Variants in RBPMS observed in about 807,000 individuals in gnomAD.
RBPMS encodes RNA binding protein, mRNA processing factor, also known as RNA-binding protein with multiple splicing.
RBPMS carries 7 observed loss-of-function variants against 26.8 expected under a neutral mutation model. That is an observed-to-expected ratio of 0.26 (90% CI 0.15 to 0.49). The LOEUF (loss-of-function observed/expected upper bound fraction) is 0.49. Among genes scored for constraint, RBPMS ranks in the 20% least tolerant of loss-of-function variants. The pLI is 0.98. For synonymous variants in RBPMS, 96 were observed against 93.3 expected, an observed-to-expected ratio of 1.03 and a Z score of -0.17; for missense variants, 186 against 250.0, an observed-to-expected ratio of 0.74 and a Z score of 1.73.
chr8:30,531,693 C>T (rs143994911), intron 5 of RBPMS, among the ~76,000 whole-genome samples: 9 of 152,258 alleles, frequency 5.9e-5, no homozygotes, highest in East Asian at 1.9e-4. Context: ...TTTATCTTAC[C>T]GGAAAGTCAA....
intron 1 of RBPMS, among the ~76,000 whole-genome samples, chr8:30,444,100 T>G (rs953167540): frequency 1.3e-5 from 2 of 151,246 alleles, no homozygotes; most frequent in Non-Finnish European, 2.9e-5. Context: ...TTCACCATAT[T>G]GGCCAAGCTG....
chr8:30,456,551 T>C (rs1419602351), intron 1 of RBPMS, among the ~76,000 whole-genome samples: 1 of 152,228 alleles, frequency 6.6e-6, no homozygotes, highest in Non-Finnish European at 1.5e-5. Context: ...TACAGTCTTT[T>C]AAGATTTCTG....
At chr8:30,431,345 T>C (rs1301784933) in intron 1 of RBPMS, among the ~76,000 whole-genome samples, 1 of 116,832 alleles carries the variant, frequency 8.6e-6, no homozygotes, top group East Asian at 2.7e-4. Context: ...TTTCTTTTCT[T>C]TTTTTTTCTT....
intron 1 of RBPMS, among the ~76,000 whole-genome samples, chr8:30,436,626 C>G (rs951184351): frequency 1.3e-5 from 2 of 152,206 alleles, no homozygotes; most frequent in Non-Finnish European, 2.9e-5. Flanking sequence ...GTATCTAACA[C>G]TAATACCACT....
At chr8:30,567,784 T>C (rs532479228) in intron 8 of RBPMS, among the ~76,000 whole-genome samples, 4 of 152,274 alleles carry the variant, frequency 2.6e-5, no homozygotes, top group African/African-American at 9.6e-5. Context: ...GAGGATCAGG[T>C]TGCAAATGCC....
intron 1 of RBPMS, among the ~76,000 whole-genome samples, chr8:30,466,295 C>T (rs1816484954): frequency 6.6e-6 from 1 of 152,194 alleles, no homozygotes; most frequent in Non-Finnish European, 1.5e-5. Context: ...CACCTGTAAT[C>T]TCAATACTTT....
intron 1 of RBPMS, among the ~76,000 whole-genome samples, chr8:30,442,391 C>G (rs557877264): frequency 6.6e-6 from 1 of 152,296 alleles, no homozygotes; most frequent in Admixed American, 6.5e-5. Flanking sequence ...ACTCTAGGAT[C>G]CTGGAGCCTT....
chr8:30,387,943 T>C (rs994245074), intron 1 of RBPMS, among the ~76,000 whole-genome samples: 1 of 152,146 alleles, frequency 6.6e-6, no homozygotes, highest in Non-Finnish European at 1.5e-5. Flanking sequence ...GTTGGAAGTT[T>C]TTGAGAACTT....
intron 1 of RBPMS, among the ~76,000 whole-genome samples, chr8:30,454,620 TC>T (rs1206500473): frequency 9.2e-5 from 14 of 152,362 alleles, no homozygotes; most frequent in African/African-American, 3.4e-4. Flanking sequence ...AGGATTTGTT[TC>T]TTATAAAGAA....
intron 4 of RBPMS, among the ~76,000 whole-genome samples, chr8:30,480,233 A>G (rs1186596947): frequency 2.0e-5 from 3 of 152,170 alleles, no homozygotes; most frequent in Non-Finnish European, 4.4e-5. Flanking sequence ...GCAAGCGGCC[A>G]CTTGACTGGT....
At chr8:30,559,035 T>C (rs1827227748) in intron 7 of RBPMS, 79 bp downstream of exon 7, 1 of 1,135,872 alleles carries the variant, frequency 8.8e-7, no homozygotes, top group Non-Finnish European at 1.3e-6. Flanking sequence ...TGAACGCAGC[T>C]CTCCTCCTTT....
intron 1 of RBPMS, among the ~76,000 whole-genome samples, chr8:30,451,760 T>C (rs1027148922): frequency 3.3e-5 from 5 of 152,186 alleles, no homozygotes; most frequent in African/African-American, 1.2e-4. Context: ...CATGGAGACA[T>C]TTAGCCCATT....
At chr8:30,487,062 A>G (rs75941241) in intron 4 of RBPMS, among the ~76,000 whole-genome samples, 1,652 of 152,314 alleles carry the variant, frequency 0.011, 34 homozygotes, top group African/African-American at 0.037. Context: ...GTGTTTGTGG[A>G]ACATGAAGTG....
intron 5 of RBPMS, among the ~76,000 whole-genome samples, chr8:30,520,569 A>G (rs953370682): frequency 6.6e-6 from 1 of 152,154 alleles, no homozygotes; most frequent in African/African-American, 2.4e-5. Context: ...ATGGAGTCTC[A>G]CTTCCTAATG....
In RBPMS at chr8:30,559,081, T is replaced by G; in HGVS notation, c.*7+125T>G. ...ACACCTTATGCACCTCCTTTGTCCATCTTTGTTAAACTCACTTGAACTACA... is the reference window on the plus strand; with the variant it reads ...ACACCTTATGCACCTCCTTTGTCCAGCTTTGTTAAACTCACTTGAACTACA... On this transcript the variant is annotated intron_variant, in intron 7 of 8. Transcript: ENST00000397323. 1.4e-5 allele frequency: 11 copies of G among 786,996 alleles called. 2 individuals carry two copies. The Admixed American group carries it at 2.3e-4, about 16-fold the overall frequency. 48.8% of individuals were successfully genotyped at this position (786,996 alleles called of 1,614,324 possible). A position where few individuals can be genotyped will look rare whatever the true frequency, so the allele number is the denominator to read the frequency against.
At chr8:30,557,819 A>G (rs1394791926) in intron 6 of RBPMS, among the ~76,000 whole-genome samples, 1 of 152,208 alleles carries the variant, frequency 6.6e-6, no homozygotes, top group Non-Finnish European at 1.5e-5. Context: ...ATGTCCAGTG[A>G]TGGATGCCGT....
chr8:30,420,272 A>T (rs967378976), intron 1 of RBPMS, among the ~76,000 whole-genome samples: 26 of 152,102 alleles, frequency 1.7e-4, no homozygotes, highest in Non-Finnish European at 4.4e-5. Flanking sequence ...GGAGATACAG[A>T]TTGTATTTCT....
chr8:30,423,981 A>G (rs1811091458), intron 1 of RBPMS, among the ~76,000 whole-genome samples: 1 of 151,944 alleles, frequency 6.6e-6, no homozygotes, highest in South Asian at 2.1e-4. Context: ...GGGACCTCAG[A>G]CGTGCACCAC....
At chr8:30,507,523 T>C (rs1264038077) in intron 5 of RBPMS, among the ~76,000 whole-genome samples, 3 of 152,176 alleles carry the variant, frequency 2.0e-5, no homozygotes, top group African/African-American at 7.2e-5. Context: ...CTTTGCAAGT[T>C]AGGAGAAAGG....
Sources: allele counts gnomAD v4.1 joint callset (sites outside exome capture counted in the v4.1 genomes callset), GRCh38; gene constraint gnomAD v4.1.1; transcripts MANE v1.5; gene names NCBI Gene and HGNC (gene_info 2026-07-23, HGNC 2026-07-21).